RNF150: variants seen among roughly 807,000 people sequenced by gnomAD.
RNF150 encodes ring finger protein 150.
RNF150 carries 24 observed loss-of-function variants against 39.3 expected under a neutral mutation model. The observed-to-expected ratio is 0.61, with a 90% confidence interval of 0.44 to 0.86. The LOEUF is 0.86. Ranked by LOEUF, RNF150 falls within the 40% of genes least tolerant of loss-of-function variation. The pLI is 0.00. For synonymous variants in RNF150, 255 were observed against 227.3 expected, an observed-to-expected ratio of 1.12 and a Z score of -1.10; for missense variants, 502 against 587.8, an observed-to-expected ratio of 0.85 and a Z score of 1.51.
intron 1 of RNF150, among the ~76,000 whole-genome samples, chr4:141,070,194 C>A (rs1047930933): frequency 6.6e-6 from 1 of 152,170 alleles, no homozygotes; most frequent in Non-Finnish European, 1.5e-5. Flanking sequence ...AAAGCTGAAA[C>A]TGGATCCCTT....
rs1419117767 is a variant in RNF150, at chr4:141,000,014, G to GA, written c.485-32142dup. 1.2e-4 allele frequency among the ~76,000 whole-genome samples: 4 copies of GA among 32,440 alleles called. No individual in the cohort carries two copies. In the East Asian group the frequency reaches 2.6e-3, roughly 21 times the overall value. The allele number at this position is 32,440 out of a possible 152,430, so 21.3% of individuals were successfully genotyped here. A position where few individuals can be genotyped will look rare whatever the true frequency, so the allele number is the denominator to read the frequency against. ...AAGAAAAGAAGAAGAAGAAGAAGAA[G>GA]AAGAAGAAGAAGAAGAAGAAGAAGA... On this transcript the variant is annotated intron_variant, in intron 1 of 6. Coordinates refer to ENST00000515673, the MANE Select transcript of RNF150 (RefSeq NM_020724.2).
chr4:141,035,907 G>A (rs1003752531), intron 1 of RNF150, among the ~76,000 whole-genome samples: 5 of 152,136 alleles, frequency 3.3e-5, no homozygotes, highest in African/African-American at 4.8e-5. Flanking sequence ...GAAATAACAC[G>A]ACATAACATG....
chr4:141,205,514 A>T (rs773049044), intron 1 of RNF150, among the ~76,000 whole-genome samples: 5 of 152,150 alleles, frequency 3.3e-5, no homozygotes, highest in Non-Finnish European at 7.3e-5. Context: ...AGGACAAAAG[A>T]TCCAGTCATT....
At chr4:141,191,452 T>G (rs1048763787) in intron 1 of RNF150, among the ~76,000 whole-genome samples, 1 of 152,220 alleles carries the variant, frequency 6.6e-6, no homozygotes, top group African/African-American at 2.4e-5. Flanking sequence ...AAACTTTAAA[T>G]GATGCAATCA....
chr4:141,053,418 T>C (rs1296708612), intron 1 of RNF150, among the ~76,000 whole-genome samples: 2 of 151,984 alleles, frequency 1.3e-5, no homozygotes, highest in Non-Finnish European at 2.9e-5. Flanking sequence ...AAAACTAGGA[T>C]CATTAAGAGA....
chr4:141,096,576 C>T (rs533972232), intron 1 of RNF150, among the ~76,000 whole-genome samples: 7 of 152,194 alleles, frequency 4.6e-5, no homozygotes, highest in South Asian at 4.2e-4. Flanking sequence ...AAAGTGCCTC[C>T]GAAGGATGAA....
intron 4 of RNF150, among the ~76,000 whole-genome samples, chr4:140,942,350 A>G (rs1397283233): frequency 6.6e-6 from 1 of 152,176 alleles, no homozygotes; most frequent in African/African-American, 2.4e-5. Context: ...CTGCTCAGAG[A>G]AGGCAGTGCT....
intron 1 of RNF150, among the ~76,000 whole-genome samples, chr4:141,146,938 C>T (rs1042974571): frequency 6.6e-6 from 1 of 152,104 alleles, no homozygotes; most frequent in Non-Finnish European, 1.5e-5. Context: ...GATAAAAGCT[C>T]TTTAGAGAAT....
intron 1 of RNF150, among the ~76,000 whole-genome samples, chr4:141,131,305 C>T (rs1016857490): frequency 2.0e-5 from 3 of 152,268 alleles, no homozygotes; most frequent in African/African-American, 7.2e-5. Context: ...TCCCCTCCTT[C>T]CGGGCACTGG....
chr4:141,018,795 A>C (rs1735374900), intron 1 of RNF150, among the ~76,000 whole-genome samples: 1 of 152,132 alleles, frequency 6.6e-6, no homozygotes, highest in South Asian at 2.1e-4. Context: ...AGCATTCTGC[A>C]GTTATGATCA....
At chr4:140,985,574 G>T (rs1448091721) in intron 1 of RNF150, among the ~76,000 whole-genome samples, 1 of 152,078 alleles carries the variant, frequency 6.6e-6, no homozygotes, top group Non-Finnish European at 1.5e-5. Context: ...TTTCAACCTT[G>T]AGCTTTATGA....
chr4:140,968,802 A>G (rs1395847721), intron 1 of RNF150, among the ~76,000 whole-genome samples: 1 of 151,766 alleles, frequency 6.6e-6, no homozygotes, highest in African/African-American at 2.4e-5. Flanking sequence ...GGGCCCCTAC[A>G]AGGAGTTCTT....
intron 1 of RNF150, among the ~76,000 whole-genome samples, chr4:141,151,405 TACAGACACAC>T (rs1283751817): frequency 4.4e-5 from 6 of 135,346 alleles, no homozygotes; most frequent in African/African-American, 1.7e-4. Flanking sequence ...ACCCCATCTC[TACAGACACAC>T]ACACACACAC....
chr4:141,087,222 T>C (rs1738401523), intron 1 of RNF150, among the ~76,000 whole-genome samples: 1 of 152,214 alleles, frequency 6.6e-6, no homozygotes, highest in Admixed American at 6.5e-5. Flanking sequence ...CACTTATAAG[T>C]TAGAACATGC....
At chr4:141,008,483 T>A (rs13117162) in intron 1 of RNF150, among the ~76,000 whole-genome samples, 3 of 152,210 alleles carry the variant, frequency 2.0e-5, no homozygotes, top group Non-Finnish European at 4.4e-5. Context: ...TAGGAAATCT[T>A]TGTTTATCCT....
chr4:140,881,719 C>A (rs76038738), intron 6 of RNF150, among the ~76,000 whole-genome samples: 1 of 151,882 alleles, frequency 6.6e-6, no homozygotes, highest in Non-Finnish European at 1.5e-5. Flanking sequence ...TATGAAAAAC[C>A]AAACAAAGCA....
intron 1 of RNF150, among the ~76,000 whole-genome samples, chr4:141,110,310 C>CA (rs1739345954): frequency 6.6e-6 from 1 of 152,162 alleles, no homozygotes; most frequent in Non-Finnish European, 1.5e-5. Flanking sequence ...CACATTTTCC[C>CA]ACCCTTTAAA....
intron 6 of RNF150, among the ~76,000 whole-genome samples, chr4:140,884,772 C>A (rs1346689179): frequency 6.6e-6 from 1 of 152,108 alleles, no homozygotes; most frequent in Non-Finnish European, 1.5e-5. Context: ...TTAGGTAACA[C>A]CCCCTCCAAA....
intron 1 of RNF150, among the ~76,000 whole-genome samples, chr4:141,179,062 T>C (rs1727862060): frequency 6.6e-6 from 1 of 152,082 alleles, no homozygotes; most frequent in Non-Finnish European, 1.5e-5. Context: ...TATAGAAATA[T>C]ATGTAAATGT....
Sources: gnomAD v4.1 joint callset for allele counts (sites outside exome capture counted in the v4.1 genomes callset) on GRCh38, gnomAD v4.1.1 for gene constraint, MANE v1.5 for transcripts, NCBI Gene and HGNC (gene_info 2026-07-23, HGNC 2026-07-21) for gene names.